Variants in NBPF10 observed in about 807,000 individuals in gnomAD.
The protein encoded by NBPF10 is NBPF family member NBPF10.
A neutral mutation model predicts 77.9 loss-of-function variants in NBPF10; 63 were observed. The ratio of observed to expected loss-of-function variants is 0.81; its 90% CI spans 0.66 to 1.00. The LOEUF (loss-of-function observed/expected upper bound fraction) is 1.00. NBPF10 is among the 50% of genes least tolerant of loss of function. The pLI, the probability that NBPF10 is intolerant of heterozygous loss-of-function variation, is 0.00. For missense variants in NBPF10, 522 were observed against 679.8 expected, an observed-to-expected ratio of 0.77 and a Z score of 2.58; for synonymous variants, 146 against 264.5, an observed-to-expected ratio of 0.55 and a Z score of 4.35.
rs59196149 is a variant in NBPF10, at chr1:146,126,419, A to G, written c.1854-11T>C. 110 of 1,136,366 alleles carry G rather than the reference A, an allele frequency of 9.7e-5. 4 individuals carry two copies. The highest frequency in any genetic ancestry group is 7.9e-4 in the South Asian group (64 of 81,016). 70.4% of individuals were successfully genotyped at this position (1,136,366 alleles called of 1,614,324 possible). A position where few individuals can be genotyped will look rare whatever the true frequency, so the allele number is the denominator to read the frequency against. ...AGCTCCCTGCTGAGCGTGGAAAAGT[A>G]GGAAAAAGTAAAGAATAAGCCAGGG... On this transcript the variant is annotated splice_polypyrimidine_tract_variant and intron_variant, in intron 13 of 89. Coordinates refer to ENST00000583866, the Ensembl canonical transcript of NBPF10.
exon 88 of NBPF10, chr1:146,068,072 C>G: frequency 1.8e-6 from 1 of 540,552 alleles, no homozygotes; most frequent in Non-Finnish European, 3.2e-6. Flanking sequence ...TAGGGCTGGC[C>G]TAAGTCAGGC....
In NBPF10 at chr1:146,140,672, C is replaced by T; in HGVS notation, c.494-116G>A. 6.4e-6 allele frequency: 3 copies of T among 470,778 alleles called. 1 individual carries two copies. Among genetic ancestry groups the T allele is most frequent in the Admixed American group, 7.9e-5 (2 of 25,312 alleles). The allele number at this position is 470,778 out of a possible 1,614,324, so 29.2% of individuals were successfully genotyped here. A position where few individuals can be genotyped will look rare whatever the true frequency, so the allele number is the denominator to read the frequency against. ...GTATGGTTCAGCATTGTACTGAAAA[C>T]TCTCATGTTTTATCTTTCACAAAAT... is the stretch of plus-strand genomic sequence containing the variant. On this transcript the variant is annotated intron_variant, in intron 3 of 89. Transcript: ENST00000583866.
chr1:146,067,551 C>T (rs1183318538), intron 88 of NBPF10, among the ~76,000 whole-genome samples: 8 of 149,870 alleles, frequency 5.3e-5, no homozygotes, highest in Non-Finnish European at 1.0e-4. Flanking sequence ...AACAGTTACG[C>T]CATATTTTTC....
intron 13 of NBPF10, 141 bp downstream of exon 13, chr1:146,126,887 A>C: frequency 1.9e-6 from 1 of 518,156 alleles, no homozygotes; most frequent in Non-Finnish European, 3.4e-6. Flanking sequence ...CTCTAATGAG[A>C]ACCAAAAAGC....
intron 4 of NBPF10, among the ~76,000 whole-genome samples, 159 bp downstream of exon 4, chr1:146,140,325 G>C (rs1209003365): frequency 1.6e-5 from 2 of 126,718 alleles, no homozygotes; most frequent in Non-Finnish European, 3.7e-5. Context: ...AGAGAAACAC[G>C]ACAGCTGCCG....
exon 14 of NBPF10, chr1:146,126,343 T>C: frequency 9.8e-6 from 13 of 1,325,114 alleles, no homozygotes; most frequent in Non-Finnish European, 1.4e-5. Flanking sequence ...AGGAGTTGAA[T>C]AACATCTATC....
At chr1:146,081,064 G>A (rs1553781523) in intron 71 of NBPF10, among the ~76,000 whole-genome samples, 3 of 38,708 alleles carry the variant, frequency 7.8e-5, no homozygotes, top group African/African-American at 1.7e-4. Flanking sequence ...TCAGTGAATT[G>A]TCCAGGTGAC....
chr1:146,137,356 G>A (rs11582963), intron 6 of NBPF10, among the ~76,000 whole-genome samples: 1 of 62,358 alleles, frequency 1.6e-5, no homozygotes, highest in Non-Finnish European at 3.9e-5. Context: ...CTCTCACCAA[G>A]CTACTCTCTG....
chr1:146,138,989 G>A (rs1235250524), intron 5 of NBPF10, among the ~76,000 whole-genome samples: 1 of 139,132 alleles, frequency 7.2e-6, no homozygotes, highest in Non-Finnish European at 1.6e-5. Flanking sequence ...TCGCCATCTT[G>A]GACAGGCTGG....
chr1:146,126,596 G>GACACACAC (rs56881979), intron 13 of NBPF10, among the ~76,000 whole-genome samples, 188 bp from the exon 14 acceptor site: 2,465 of 111,122 alleles, frequency 0.022, 24 homozygotes, highest in Non-Finnish European at 0.029. Context: ...GAACGAGAAA[G>GACACACAC]ACACACACAC....
At chr1:146,124,077 A>C in intron 16 of NBPF10, 99 bp from the exon 17 acceptor site, 1 of 55,866 alleles carries the variant, frequency 1.8e-5, no homozygotes, top group Non-Finnish European at 3.0e-5. Context: ...CAGGCTCCTC[A>C]GCATGAGAAC....
chr1:146,125,997 G>T (rs1272920100), intron 14 of NBPF10, among the ~76,000 whole-genome samples: 2 of 151,728 alleles, frequency 1.3e-5, no homozygotes, highest in Non-Finnish European at 2.9e-5. Flanking sequence ...CCAACATCTT[G>T]AGAGTAGGAT....
chr1:146,121,884 G>T (rs1354427814), intron 19 of NBPF10, among the ~76,000 whole-genome samples: 17 of 149,810 alleles, frequency 1.1e-4, no homozygotes, highest in Admixed American at 2.0e-4. Context: ...CAGAGACAGA[G>T]ACAGAGACAG....
At position 146,138,981 on chromosome 1, in the gene NBPF10, G is replaced by T. The variant is rs587737053; in HGVS notation, c.779-536C>A. On this transcript the variant is annotated intron_variant, in intron 5 of 89. Transcript: ENST00000583866. ...GTATTTTTAGTAGAGACGGGGTTTCGCCATCTTGGACAGGCTGGTTTCGAA... is the reference window on the plus strand; with the variant it reads ...GTATTTTTAGTAGAGACGGGGTTTCTCCATCTTGGACAGGCTGGTTTCGAA... Among the ~76,000 whole-genome samples, 1,037 of 138,474 alleles carry T rather than the reference G, an allele frequency of 7.5e-3. 11 individuals carry two copies. Among genetic ancestry groups the T allele is most frequent in the African/African-American group, 0.025 (1,001 of 40,232 alleles). 90.8% of individuals were successfully genotyped at this position (138,474 alleles called of 152,430 possible). A position where few individuals can be genotyped will look rare whatever the true frequency, so the allele number is the denominator to read the frequency against.
Position 146,122,519 on chromosome 1 carries a change from T to G in NBPF10, c.2477-128A>C, listed in dbSNP as rs1571180871. ...TAAGAATAGGACACTGTGAGAGATA[T>G]ATTTCAGGAGGCCTGAAGGCTGGTC... On this transcript the variant is annotated intron_variant, in intron 18 of 89. Transcript: ENST00000583866. 2 of 60,500 alleles carry G rather than the reference T, an allele frequency of 3.3e-5. 1 individual carries two copies. The highest frequency in any genetic ancestry group is 6.2e-5 in the Non-Finnish European group (2 of 32,452). The allele number at this position is 60,500 out of a possible 1,614,324, so 3.7% of individuals were successfully genotyped here.
intron 88 of NBPF10, among the ~76,000 whole-genome samples, chr1:146,067,751 T>A (rs1174846210): frequency 2.0e-5 from 3 of 150,830 alleles, no homozygotes; most frequent in Admixed American, 1.3e-4. Context: ...TCTGCCCAGG[T>A]CCAATGTCAT....
chr1:146,067,083 C>G (rs77463801), intron 89 of NBPF10, 97 bp downstream of exon 89: 3 of 597,382 alleles, frequency 5.0e-6, no homozygotes, highest in African/African-American at 1.8e-5. Flanking sequence ...ATTCAGCCTT[C>G]GTTGAAAACA....
exon 7 of NBPF10, chr1:146,136,361 C>T (rs1659704138): frequency 6.3e-7 from 1 of 1,580,308 alleles, no homozygotes. Flanking sequence ...ACCTGAGCTC[C>T]TCAGCTTGCT....
intron 88 of NBPF10, among the ~76,000 whole-genome samples, chr1:146,067,605 A>G (rs1247099980): frequency 2.0e-5 from 3 of 150,316 alleles, no homozygotes; most frequent in Non-Finnish European, 4.4e-5. Context: ...CTAGGAGAAA[A>G]ACTGCAATAT....
Sources: gnomAD v4.1 joint callset for allele counts (sites outside exome capture counted in the v4.1 genomes callset) on GRCh38, gnomAD v4.1.1 for gene constraint, MANE v1.5 for transcripts, NCBI Gene and HGNC (gene_info 2026-07-23, HGNC 2026-07-21) for gene names.